The following DERA variants were observed in gnomAD, a reference collection of about 807,000 sequenced individuals.
The protein encoded by DERA is 2-deoxy-D-ribose 5-phosphate aldolase.
In DERA, 15 loss-of-function variants were observed where a neutral mutation model predicts 41.1. That is an observed-to-expected ratio of 0.37 (90% CI 0.24 to 0.56). DERA has a LOEUF of 0.56. Ranked by LOEUF, DERA falls within the 20% of genes least tolerant of loss-of-function variation. DERA has a pLI of 0.81. For missense variants in DERA, 396 were observed against 403.4 expected (o/e 0.98, Z 0.16); for synonymous variants, 139 against 137.4 (o/e 1.01, Z -0.08).
In DERA at chr12:15,967,557, G is replaced by C. The variant is rs1948631303; in HGVS notation, c.508+4610G>C. The stretch of plus-strand genomic sequence containing the variant: ...TTTCATTACTGATTATATTATCCCA[G>C]AATACAGTGATGCTTTCAGGGGCCA... On this transcript the variant is annotated intron_variant, in intron 5 of 8. Coordinates refer to ENST00000428559, the MANE Select transcript of DERA (RefSeq NM_015954.4). This position sits in a 1 kb window ranked among gnomAD's most constrained non-coding sequence, Gnocchi z 4.9. 6.6e-6 allele frequency among the ~76,000 whole-genome samples: 1 copy of C among 151,986 alleles called. No individual in the cohort carries two copies. Among genetic ancestry groups the C allele is most frequent in the African/African-American group, 2.4e-5 (1 of 41,364 alleles).
rs1948163569 is a variant in DERA, at chr12:15,911,528, G to T, written c.31+114G>T. 2 of 1,099,132 alleles carry T rather than the reference G, an allele frequency of 1.8e-6. No homozygotes were observed. Among genetic ancestry groups the T allele is most frequent in the Non-Finnish European group, 1.3e-6 (1 of 791,986 alleles). 68.1% of individuals were successfully genotyped at this position (1,099,132 alleles called of 1,614,324 possible). A position where few individuals can be genotyped will look rare whatever the true frequency, so the allele number is the denominator to read the frequency against. On this transcript the variant is annotated intron_variant, in intron 1 of 8. Coordinates refer to ENST00000428559, the MANE Select transcript of DERA (RefSeq NM_015954.4). This position sits in a 1 kb window ranked among gnomAD's most constrained non-coding sequence, Gnocchi z 4.5. ...GGCTGTGGGTCCCCGAGGGGTTTTC[G>T]CTGGGGCGGGAAGCAGTGGCGTCTG... is the stretch of plus-strand genomic sequence containing the variant.
In DERA at chr12:15,928,853, G is replaced by T. The variant is rs759011110; in HGVS notation, c.31+17439G>T. 2.0e-5 allele frequency among the ~76,000 whole-genome samples: 3 copies of T among 152,108 alleles called. No individual in the cohort carries two copies. The highest frequency in any genetic ancestry group is 4.4e-5 in the Non-Finnish European group (3 of 68,006). On this transcript the variant is annotated intron_variant, in intron 1 of 8. Transcript: ENST00000428559. This position sits in a 1 kb window ranked among gnomAD's most constrained non-coding sequence, Gnocchi z 4.6. ...ATATTTGGTTGTGGGGAGCCTTTTG[G>T]GTGTCCCTGAAATCTTGCCATTTTG...
rs2136125097 is a variant in DERA at position 15,922,060 on chromosome 12, GTCAT to G, written c.31+10654_31+10657del. On this transcript the variant is annotated intron_variant, in intron 1 of 8. Transcript: ENST00000428559. The surrounding 1 kb of genome is among the most constrained non-coding windows in gnomAD (Gnocchi z 4.9). ...AGGCAATCATTATTATAATCTCAAAGTCATTCATTCAGCATGTGTATGTTGAGTA... is the reference window on the plus strand; with the variant it reads ...AGGCAATCATTATTATAATCTCAAAGTCATTCAGCATGTGTATGTTGAGTA... 6.6e-6 allele frequency among the ~76,000 whole-genome samples: 1 copy of G among 152,180 alleles called. No individual in the cohort carries two copies. Among genetic ancestry groups the G allele is most frequent in the South Asian group, 2.1e-4 (1 of 4,822 alleles).
At chr12:15,947,481 T>C (rs1396111590) in intron 1 of DERA, among the ~76,000 whole-genome samples, 3 of 152,196 alleles carry the variant, frequency 2.0e-5, no homozygotes, top group Non-Finnish European at 2.9e-5. Context: ...TTGTCTCTTT[T>C]CATATTTGTT....
rs547626597 is a variant in DERA at position 16,021,536 on chromosome 12, G to A, written c.638-11006G>A. Among the ~76,000 whole-genome samples the A allele has an allele frequency of 3.3e-4, 51 of 152,296 alleles. No individual in the cohort carries two copies. The highest frequency in any genetic ancestry group is 5.3e-4 in the African/African-American group (22 of 41,564). On this transcript the variant is annotated intron_variant, in intron 6 of 8. Transcript: ENST00000428559. This position sits in a 1 kb window ranked among gnomAD's most constrained non-coding sequence, Gnocchi z 5.3. ...GCCCACACAGAGTCTCCACTGCAGC[G>A]CTGTCTTAGTGGAATTGTGGGAATG...
Position 15,928,596 on chromosome 12 carries a change from A to G in DERA, c.31+17182A>G, listed in dbSNP as rs987163633. On this transcript the variant is annotated intron_variant, in intron 1 of 8. Coordinates refer to ENST00000428559, the MANE Select transcript of DERA (RefSeq NM_015954.4). This position sits in a 1 kb window ranked among gnomAD's most constrained non-coding sequence, Gnocchi z 4.6. ...GGACAGCCCTTATGAAGTAGGGGAG[A>G]TTTTGCCTGTGGGTGTGTTGGACTC... Among the ~76,000 whole-genome samples, 2 of 151,908 alleles carry G rather than the reference A, an allele frequency of 1.3e-5. No homozygotes were observed. Among genetic ancestry groups the G allele is most frequent in the Non-Finnish European group, 1.5e-5 (1 of 67,994 alleles).
intron 1 of DERA, chr12:15,951,413 C>G (rs1277857314): frequency 6.6e-6 from 1 of 152,180 alleles, no homozygotes; most frequent in African/African-American, 2.4e-5. Context: ...AGCTCAGTGG[C>G]CAAAGATTGA....
At chr12:15,912,652 G>GT (rs1034732129) in intron 1 of DERA, among the ~76,000 whole-genome samples, 2 of 152,144 alleles carry the variant, frequency 1.3e-5, no homozygotes, top group Admixed American at 6.5e-5. Context: ...TGGACACCTA[G>GT]TAAGTCTTCA....
Position 15,984,747 on chromosome 12 carries a change from G to T in DERA, c.637+2311G>T, listed in dbSNP as rs1484218600. Among the ~76,000 whole-genome samples the T allele has an allele frequency of 6.6e-6, 1 of 152,104 alleles. No individual in the cohort carries two copies. The highest frequency in any genetic ancestry group is 2.4e-5 in the African/African-American group (1 of 41,412). The stretch of plus-strand genomic sequence containing the variant: ...ACAATCTTTGTGAGGCATAATATAT[G>T]AAAGCATGTAGCATACTTCCTGGCC... On this transcript the variant is annotated intron_variant, in intron 6 of 8. Coordinates refer to ENST00000428559, the MANE Select transcript of DERA (RefSeq NM_015954.4). The surrounding 1 kb of genome is among the most constrained non-coding windows in gnomAD (Gnocchi z 4.5).
chr12:15,918,715 T>G lies in DERA; in HGVS notation c.31+7301T>G, dbSNP rs1023552626. Among the ~76,000 whole-genome samples, 14 of 152,146 alleles carry G rather than the reference T, an allele frequency of 9.2e-5. No individual in the cohort carries two copies. Among genetic ancestry groups the G allele is most frequent in the African/African-American group, 3.4e-4 (14 of 41,424 alleles). On this transcript the variant is annotated intron_variant, in intron 1 of 8. Transcript: ENST00000428559. The surrounding 1 kb of genome is among the most constrained non-coding windows in gnomAD (Gnocchi z 4.3). ...TGCTTTCCCAGAGCTCACAGGCAAC[T>G]AAGGGAGATGTTTATGTAAATCACC... is the stretch of plus-strand genomic sequence containing the variant.
Position 15,911,595 on chromosome 12 carries a change from G to T in DERA, c.31+181G>T. On this transcript the variant is annotated intron_variant, in intron 1 of 8. Coordinates refer to ENST00000428559, the MANE Select transcript of DERA (RefSeq NM_015954.4). This position sits in a 1 kb window ranked among gnomAD's most constrained non-coding sequence, Gnocchi z 4.5. Reference sequence around the variant, plus strand: ...AGTAAAGGCCGAACCCGGCACGTTCGCGCCGCTTGTCTTTGCACCTAAGCT... The same window carrying T: ...AGTAAAGGCCGAACCCGGCACGTTCTCGCCGCTTGTCTTTGCACCTAAGCT... 1.4e-6 allele frequency: 1 copy of T among 711,526 alleles called. No homozygotes were observed. The highest frequency in any genetic ancestry group is 1.8e-5 in the African/African-American group (1 of 56,900). The allele number at this position is 711,526 out of a possible 1,614,324, so 44.1% of individuals were successfully genotyped here.
intron 1 of DERA, among the ~76,000 whole-genome samples, chr12:15,934,040 G>A (rs1948348161): frequency 6.6e-6 from 1 of 152,184 alleles, no homozygotes; most frequent in Non-Finnish European, 1.5e-5. Context: ...CTAGGATAAA[G>A]CACTGTAAAA....
rs1948785156 is a variant in DERA, at chr12:15,989,137, G to GC, written c.637+6705dup. Among the ~76,000 whole-genome samples the GC allele has an allele frequency of 6.6e-6, 1 of 152,174 alleles. No individual in the cohort carries two copies. The highest frequency in any genetic ancestry group is 1.5e-5 in the Non-Finnish European group (1 of 68,008). On this transcript the variant is annotated intron_variant, in intron 6 of 8. Coordinates refer to ENST00000428559, the MANE Select transcript of DERA (RefSeq NM_015954.4). This position sits in a 1 kb window ranked among gnomAD's most constrained non-coding sequence, Gnocchi z 5.2. ...GAGATGTGGCTTGTTGGATGCAGCT[G>GC]CCCCTGGGAGCACAGGGCTCCTGCC...
intron 6 of DERA, among the ~76,000 whole-genome samples, chr12:16,006,403 A>G (rs1229682927): frequency 6.6e-6 from 1 of 152,244 alleles, no homozygotes; most frequent in African/African-American, 2.4e-5. Flanking sequence ...ATACAAATTT[A>G]TGCAGTTAAA....
chr12:16,030,805 C>T (rs1949087616), intron 6 of DERA, among the ~76,000 whole-genome samples: 1 of 152,140 alleles, frequency 6.6e-6, no homozygotes, highest in African/African-American at 2.4e-5. Context: ...TTGCTCTATT[C>T]CCAGCAGCTT....
chr12:15,912,357 C>A (rs944064095), intron 1 of DERA, among the ~76,000 whole-genome samples: 1 of 152,104 alleles, frequency 6.6e-6, no homozygotes, highest in South Asian at 2.1e-4. Flanking sequence ...TCAACAGGAT[C>A]CCAAGGCAGA....
In DERA at chr12:16,000,491, G is replaced by GGAT. The variant is rs1278267231; in HGVS notation, c.637+18060_637+18062dup. On this transcript the variant is annotated intron_variant, in intron 6 of 8. Coordinates refer to ENST00000428559, the MANE Select transcript of DERA (RefSeq NM_015954.4). The surrounding 1 kb of genome is among the most constrained non-coding windows in gnomAD (Gnocchi z 4.8). ...ATTCATGCTTTTACTTGAATTATCA[G>GGAT]GATGATGCTTTGCTTTACCAGTGAC... 6.6e-6 allele frequency among the ~76,000 whole-genome samples: 1 copy of GGAT among 152,180 alleles called. No homozygotes were observed. The highest frequency in any genetic ancestry group is 1.5e-5 in the Non-Finnish European group (1 of 68,040).
intron 1 of DERA, among the ~76,000 whole-genome samples, chr12:15,952,375 T>C (rs1242626976): frequency 1.3e-5 from 2 of 152,230 alleles, no homozygotes; most frequent in Non-Finnish European, 2.9e-5. Flanking sequence ...GTGTACTGAT[T>C]ACTTTTTTAA....
rs749889491 is a variant in DERA at position 15,982,766 on chromosome 12, TACTC to T, written c.637+331_637+334del. ...ATGTTAGACAGGAATTTCTTTGACTTACTCCTCTCTGAATTTAAGCTTTTCATTT... is the reference window on the plus strand; with the variant it reads ...ATGTTAGACAGGAATTTCTTTGACTTCTCTCTGAATTTAAGCTTTTCATTT... On this transcript the variant is annotated intron_variant, in intron 6 of 8. Transcript: ENST00000428559. This position sits in a 1 kb window ranked among gnomAD's most constrained non-coding sequence, Gnocchi z 4.0. Among the ~76,000 whole-genome samples the T allele has an allele frequency of 9.2e-5, 14 of 152,354 alleles. No individual in the cohort carries two copies. The highest frequency in any genetic ancestry group is 1.5e-4 in the Non-Finnish European group (10 of 68,022).
Sources: allele counts gnomAD v4.1 joint callset (sites outside exome capture counted in the v4.1 genomes callset), GRCh38; gene constraint gnomAD v4.1.1; non-coding constraint Gnocchi (gnomAD v3.1); transcripts MANE v1.5; gene names NCBI Gene and HGNC (gene_info 2026-07-23, HGNC 2026-07-21).